SLC4A2: variants seen among roughly 807,000 people sequenced by gnomAD.
SLC4A2 encodes solute carrier family 4 member 2.
In SLC4A2, 36 loss-of-function variants were observed where a neutral mutation model predicts 115.0. The observed-to-expected ratio is 0.31, with a 90% CI of 0.24 to 0.41. SLC4A2 has a LOEUF of 0.41. Among genes scored for constraint, SLC4A2 ranks in the 10% least tolerant of loss-of-function variants. SLC4A2 has a pLI of 1.00. For synonymous variants in SLC4A2, 708 were observed against 708.3 expected, an observed-to-expected ratio of 1.00 and a Z score of 0.01; for missense variants, 1,252 against 1,705.6, an observed-to-expected ratio of 0.73 and a Z score of 4.68.
intron 5 of SLC4A2, among the ~76,000 whole-genome samples, chr7:151,065,717 A>C (rs1470064438): frequency 6.6e-6 from 1 of 152,186 alleles, no homozygotes; most frequent in Non-Finnish European, 1.5e-5. Flanking sequence ...CAGCGGCCTT[A>C]GGGGCGCCAG....
intron 2 of SLC4A2, among the ~76,000 whole-genome samples, chr7:151,063,437 C>T (rs953970911): frequency 1.3e-5 from 2 of 152,208 alleles, no homozygotes; most frequent in Non-Finnish European, 2.9e-5. Flanking sequence ...GTCATGTGAA[C>T]TTCCCGGTTC....
rs1175870529 is a variant in SLC4A2, at chr7:151,075,478, G to A, written c.3271G>A (p.Val1091Met). Residue 1091 changes from valine to methionine, a missense_variant, in exon 20 of 23, where the codon GTG (valine) becomes ATG (methionine). Physicochemically the swap from Val to Met is conservative, Grantham distance 21. Transcript: ENST00000413384. ...GATTCAGGAAGTCAAGGAGCAGCGG[G>A]TGACGGGGCTGCTGGTTGCCCTGCT... The part of the protein sequence containing the change: ...PKIQEVKEQR[V>M]TGLLVALLVG... 1.2e-6 allele frequency: 2 copies of A among 1,601,052 alleles called. No individual in the cohort carries two copies.
chr7:151,070,011 G>C lies in SLC4A2; in HGVS notation c.1212G>C (p.Gln404His). 1 of 1,614,130 alleles carries C rather than the reference G, an allele frequency of 6.2e-7. No homozygotes were observed. Among genetic ancestry groups the C allele is most frequent in the Non-Finnish European group, 8.5e-7 (1 of 1,180,010 alleles). ...GAGTGGCCCACCAGGTGGTGGAGCA[G>C]ATGGTCATCTCTGACCAGATCAAGG... ...LPGVAHQVVE[Q>H]MVISDQIKAE... The change falls in exon 9 of 23, where the codon CAG becomes CAC. Residue 404 changes from glutamine to histidine, a missense_variant. Around this residue, in one of 14 missense-constraint regions of SLC4A2, gnomAD observed 142 missense variants for 153.5 expected, o/e 0.93. Transcript: ENST00000413384.
chr7:151,070,440 C>G lies in SLC4A2; in HGVS notation c.1450-17C>G, dbSNP rs367619182. The G allele has an allele frequency of 4.4e-5, 71 of 1,611,232 alleles. No homozygotes were observed. The highest frequency in any genetic ancestry group is 8.0e-5 in the African/African-American group (6 of 74,854). ...GGGAGGGGCCTGGCTGGGCTGAGCC[C>G]TGTCTGTGTCCCCCAGCGTGAGCTG... On this transcript the variant is annotated splice_polypyrimidine_tract_variant and intron_variant, in intron 10 of 22. Transcript: ENST00000413384.
At position 151,070,798 on chromosome 7, in the gene SLC4A2, G is replaced by A. The variant is rs1797410255; in HGVS notation, c.1636G>A (p.Val546Met). 6.2e-7 allele frequency: 1 copy of A among 1,614,100 alleles called. No homozygotes were observed. The highest frequency in any genetic ancestry group is 1.1e-5 in the South Asian group (1 of 91,086). ...RLREAVELDA[V>M]LEVPVPVRFL... ...CCGGGAGGCTGTGGAGTTGGACGCA[G>A]TGTTGGAGGTGCCGGTGCCTGTGCG... The change falls in exon 12 of 23, where the codon GTG (valine) becomes ATG (methionine). Residue 546 changes from valine to methionine, a missense_variant. Val to Met is a conservative substitution (Grantham distance 21). Around this residue, in one of 14 missense-constraint regions of SLC4A2, gnomAD observed 87 missense variants for 170.3 expected, o/e 0.51. Transcript: ENST00000413384.
rs779270025 is a variant in SLC4A2, at chr7:151,071,599, C to A, written c.2185C>A (p.Leu729Met). Residue 729 changes from leucine to methionine, a missense_variant, in exon 14 of 23, where the codon CTG becomes ATG. By Grantham distance (15) the Leu-to-Met change is conservative (BLOSUM62 2). Transcript: ENST00000413384. This position sits in a 1 kb window ranked among gnomAD's most constrained non-coding sequence, Gnocchi z 5.5. ...GTCTCCTGCCATCACCTTTGGGGGG[C>A]TGCTGGGTGAGGAGAGCCTTCAGGT... ...ALSPAITFGG[L>M]LGEKTQDLIG... The A allele has an allele frequency of 1.2e-6, 2 of 1,613,776 alleles. No homozygotes were observed.
In SLC4A2 at chr7:151,071,073, A is replaced by C. The variant is rs746819091; in HGVS notation, c.1751A>C (p.Gln584Pro). Residue 584 changes from glutamine to proline, a missense_variant and splice_region_variant, in exon 13 of 23, where the codon CAA becomes CCA. Physicochemically the swap from Gln to Pro is moderately conservative, Grantham distance 76. Around this residue, in one of 14 missense-constraint regions of SLC4A2, gnomAD observed 87 missense variants for 170.3 expected, o/e 0.51. Coordinates refer to ENST00000413384, the MANE Select transcript of SLC4A2 (RefSeq NM_003040.4). The surrounding 1 kb of genome is among the most constrained non-coding windows in gnomAD (Gnocchi z 5.5). ...CCCATCCCCATGCTGCTTTGGCAGC[A>C]ATTCCACGAGGCAGCCTACCTGGCT... is the stretch of plus-strand genomic sequence containing the variant. ...RSISTLMSDK[Q>P]FHEAAYLADE... is the part of the protein sequence containing the mutation. The C allele has an allele frequency of 6.2e-7, 1 of 1,612,634 alleles. No homozygotes were observed. Among genetic ancestry groups the C allele is most frequent in the South Asian group, 1.1e-5 (1 of 91,042 alleles).
At chr7:151,074,630 C>A in intron 18 of SLC4A2, 45 bp from the exon 19 acceptor site, 1 of 1,577,078 alleles carries the variant, frequency 6.3e-7, no homozygotes, top group Non-Finnish European at 8.6e-7. Flanking sequence ...GCATGCCCTC[C>A]ACATTCACCT....
intron 2 of SLC4A2, chr7:151,062,569 A>C: frequency 6.9e-7 from 1 of 1,452,744 alleles, no homozygotes. Context: ...ACTGGCCCAG[A>C]GGGGCACGTG....
chr7:151,071,043 T>C lies in SLC4A2; in HGVS notation c.1750-29T>C, dbSNP rs115751440. On this transcript the variant is annotated intron_variant, in intron 12 of 22. Coordinates refer to ENST00000413384, the MANE Select transcript of SLC4A2 (RefSeq NM_003040.4). This position sits in a 1 kb window ranked among gnomAD's most constrained non-coding sequence, Gnocchi z 5.5. ...AGGCCCTCAGCCCTCTTCTTTGTGC[T>C]CTCCCCCATCCCCATGCTGCTTTGG... 759 of 1,610,066 alleles carry C rather than the reference T, an allele frequency of 4.7e-4. 4 individuals carry two copies. The African/African-American group carries it at 8.7e-3, about 19-fold the overall frequency.
intron 12 of SLC4A2, 40 bp downstream of exon 12, chr7:151,070,951 C>T: frequency 1.2e-6 from 2 of 1,602,876 alleles, no homozygotes; most frequent in South Asian, 2.2e-5. Context: ...TTCCTGGAGC[C>T]CATCCTAGGC....
rs1456948401 is a variant in SLC4A2 at position 151,064,272 on chromosome 7, C to A, written c.122C>A (p.Thr41Asn). The change falls in exon 3 of 23, where the codon ACC becomes AAC. Residue 41 changes from threonine (T) to asparagine (N), a missense_variant. Physicochemically the swap from Thr to Asn is moderately conservative, Grantham distance 65 (BLOSUM62 0). Around this residue, in one of 14 missense-constraint regions of SLC4A2, gnomAD observed 74 missense variants for 85.3 expected, o/e 0.87. Transcript: ENST00000413384. ...PEQEEDELHR[T>N]LGVERFEEIL... ...CAGGAGGAAGACGAACTTCACCGCACCCTGGGCGTGGAGCGGTTTGAGGAG... is the reference window on the plus strand; with the variant it reads ...CAGGAGGAAGACGAACTTCACCGCAACCTGGGCGTGGAGCGGTTTGAGGAG... The A allele has an allele frequency of 1.1e-5, 17 of 1,612,368 alleles. No homozygotes were observed. The highest frequency in any genetic ancestry group is 1.4e-5 in the Non-Finnish European group (17 of 1,179,952).
chr7:151,064,467 C>A, intron 3 of SLC4A2, 59 bp from the exon 4 acceptor site: 1 of 1,577,292 alleles, frequency 6.3e-7, no homozygotes, highest in South Asian at 1.2e-5. Context: ...GGCTAGGGGG[C>A]AGGATGGCAG....
intron 2 of SLC4A2, among the ~76,000 whole-genome samples, chr7:151,063,480 G>A (rs1346193400): frequency 6.6e-6 from 1 of 152,154 alleles, no homozygotes; most frequent in South Asian, 2.1e-4. Context: ...AGATGGGCTG[G>A]ACACACGGGA....
rs397978007 is a variant in SLC4A2, at chr7:151,069,140, C to CAAAAAAAAA, written c.1148-796_1148-788dup. Among the ~76,000 whole-genome samples the CAAAAAAAAA allele has an allele frequency of 7.0e-3, 286 of 40,814 alleles. 24 individuals carry two copies. Among genetic ancestry groups the CAAAAAAAAA allele is most frequent in the Middle Eastern group, 0.017 (1 of 60 alleles). The allele number at this position is 40,814 out of a possible 152,430, so 26.8% of individuals were successfully genotyped here. On this transcript the variant is annotated intron_variant, in intron 8 of 22. Coordinates refer to ENST00000413384, the MANE Select transcript of SLC4A2 (RefSeq NM_003040.4). Reference sequence around the variant, plus strand: ...AACGACAGAGCGAGACTCTTATCACCAAAAAAAAAAAAAAAAAAAGCAGCT... The same window carrying CAAAAAAAAA: ...AACGACAGAGCGAGACTCTTATCACCAAAAAAAAAAAAAAAAAAAAAAAAAAAAGCAGCT...
rs945363034 is a variant in SLC4A2 at position 151,076,305 on chromosome 7, G to C, written c.3664G>C (p.Glu1222Gln). Reference protein sequence around the residue: ...EMKCLDANEAEPVFDEREGVD... With the variant: ...EMKCLDANEAQPVFDEREGVD... ...CACACAGCTGGATGCTAACGAGGCAGAGCCGGTGTTTGATGAGCGGGAGGG... is the reference window on the plus strand; with the variant it reads ...CACACAGCTGGATGCTAACGAGGCACAGCCGGTGTTTGATGAGCGGGAGGG... Residue 1222 changes from glutamate (E) to glutamine (Q), a missense_variant, in exon 23 of 23, where the codon GAG (glutamate) becomes CAG (glutamine). Coordinates refer to ENST00000413384, the MANE Select transcript of SLC4A2 (RefSeq NM_003040.4). 1.2e-5 allele frequency: 18 copies of C among 1,551,326 alleles called. No individual in the cohort carries two copies. The highest frequency in any genetic ancestry group is 1.3e-5 in the Non-Finnish European group (15 of 1,146,372).
rs1167429951 is a variant in SLC4A2, at chr7:151,060,831, C to T, written c.-64+1069C>T. Among the ~76,000 whole-genome samples the T allele has an allele frequency of 6.6e-6, 1 of 152,042 alleles. No homozygotes were observed. Among genetic ancestry groups the T allele is most frequent in the Non-Finnish European group, 1.5e-5 (1 of 67,986 alleles). On this transcript the variant is annotated intron_variant, in intron 1 of 22. Transcript: ENST00000413384. The surrounding 1 kb of genome is among the most constrained non-coding windows in gnomAD (Gnocchi z 5.9). ...TGCCAGGCTCCCCATCCTGGGTGAC[C>T]CCCCCAGACCTATATTGTTTGACGC... is the stretch of plus-strand genomic sequence containing the variant.
At chr7:151,068,677 G>C (rs1263161561) in intron 8 of SLC4A2, among the ~76,000 whole-genome samples, 1 of 151,956 alleles carries the variant, frequency 6.6e-6, no homozygotes, top group African/African-American at 2.4e-5. Flanking sequence ...GTGCTACCAT[G>C]CCTGCCTAAT....
rs74423110 is a variant in SLC4A2 at position 151,070,005 on chromosome 7, G to A, written c.1206G>A (p.Val402=). The A allele has an allele frequency of 2.1e-4, 345 of 1,614,110 alleles. 1 individual carries two copies. The East Asian group carries it at 7.0e-3, about 33-fold the overall frequency. The part of the protein sequence containing the change: ...QTLPGVAHQV[V]EQMVISDQIK... ...TGCCCGGAGTGGCCCACCAGGTGGTGGAGCAGATGGTCATCTCTGACCAGA... is the reference window on the plus strand; with the variant it reads ...TGCCCGGAGTGGCCCACCAGGTGGTAGAGCAGATGGTCATCTCTGACCAGA... Residue 402 remains valine (V), a synonymous_variant, in exon 9 of 23, where the codon GTG becomes GTA. Coordinates refer to ENST00000413384, the MANE Select transcript of SLC4A2 (RefSeq NM_003040.4).
Sources: gnomAD v4.1 joint callset for allele counts (sites outside exome capture counted in the v4.1 genomes callset) on GRCh38, gnomAD v4.1.1 for gene constraint, gnomAD v4.1.1 regional missense constraint, Gnocchi (gnomAD v3.1) non-coding constraint, MANE v1.5 for transcripts, NCBI Gene and HGNC (gene_info 2026-07-23, HGNC 2026-07-21) for gene names.